The following FMN1 variants were observed in gnomAD, a reference collection of about 807,000 sequenced individuals.
FMN1 encodes formin 1, also known as formin-1.
FMN1 carries 110 observed loss-of-function variants against 132.4 expected under a neutral mutation model. The ratio of observed to expected loss-of-function variants is 0.83; its 90% CI spans 0.71 to 0.97. FMN1 has a LOEUF of 0.97. Among genes scored for constraint, FMN1 ranks in the 50% least tolerant of loss-of-function variants. The pLI, the probability that FMN1 is intolerant of heterozygous loss-of-function variation, is 0.00. For missense variants in FMN1, 1,792 were observed against 1,705.3 expected (o/e 1.05, Z -0.90); for synonymous variants, 722 against 651.7 (o/e 1.11, Z -1.64).
At chr15:32,917,697 T>C (rs892275796) in intron 10 of FMN1, among the ~76,000 whole-genome samples, 1 of 152,206 alleles carries the variant, frequency 6.6e-6, no homozygotes, top group Non-Finnish European at 1.5e-5. Flanking sequence ...GGTAATTTAC[T>C]GGACAAAGAT....
chr15:33,066,786 T>C, intron 5 of FMN1: 1 of 1,613,990 alleles, frequency 6.2e-7, no homozygotes, highest in Non-Finnish European at 8.5e-7. Context: ...TCTTCTCTCC[T>C]GGGCGACTCA....
intron 3 of FMN1, among the ~76,000 whole-genome samples, chr15:33,158,844 A>G (rs1315969565): frequency 2.6e-5 from 4 of 152,246 alleles, no homozygotes; most frequent in African/African-American, 9.6e-5. Flanking sequence ...AGCGATAGCC[A>G]AAACCAAAGC....
chr15:32,860,570 C>G (rs2059246244), intron 16 of FMN1: 1 of 152,202 alleles, frequency 6.6e-6, no homozygotes, highest in Admixed American at 6.5e-5. Flanking sequence ...AGAGGATCAC[C>G]TGAACCCAGG....
At chr15:32,872,767 G>A (rs2059545995) in intron 16 of FMN1, among the ~76,000 whole-genome samples, 1 of 152,154 alleles carries the variant, frequency 6.6e-6, no homozygotes, top group South Asian at 2.1e-4. Context: ...GCTCCACCAG[G>A]ACAGCTGCAA....
intron 9 of FMN1, among the ~76,000 whole-genome samples, chr15:32,939,752 A>G (rs1336296587): frequency 6.6e-6 from 1 of 152,182 alleles, no homozygotes; most frequent in African/African-American, 2.4e-5. Context: ...AAAGAAATCA[A>G]ATTCAACGAA....
chr15:33,047,434 C>G (rs1247670497), intron 6 of FMN1, among the ~76,000 whole-genome samples: 2 of 152,118 alleles, frequency 1.3e-5, no homozygotes, highest in African/African-American at 4.8e-5. Context: ...TTTAAAAAAA[C>G]TTTTATAAAC....
At chr15:33,124,122 G>A (rs186262362) in intron 4 of FMN1, among the ~76,000 whole-genome samples, 395 of 152,238 alleles carry the variant, frequency 2.6e-3, no homozygotes, top group Admixed American at 4.1e-3. Flanking sequence ...TTCAGTCCTG[G>A]GTTGAGGATC....
intron 5 of FMN1, among the ~76,000 whole-genome samples, chr15:33,073,417 G>T (rs11636433): frequency 6.6e-6 from 1 of 151,962 alleles, no homozygotes; most frequent in Admixed American, 6.5e-5. Context: ...TAAGAGTGAG[G>T]AAACTATTTC....
At chr15:32,814,562 AG>A (rs1318788585) in intron 17 of FMN1, among the ~76,000 whole-genome samples, 1 of 152,250 alleles carries the variant, frequency 6.6e-6, no homozygotes, top group African/African-American at 2.4e-5. Flanking sequence ...TTTTAAAAGA[AG>A]GCTTCTTGCA....
At chr15:33,067,387 T>G (rs771389917) in intron 5 of FMN1, 1 of 1,614,002 alleles carries the variant, frequency 6.2e-7, no homozygotes, top group Non-Finnish European at 8.5e-7. Context: ...TAGGGGACTT[T>G]GGGCCATTGG....
In FMN1 at chr15:32,774,252, A is replaced by G. The variant is rs1394304180; in HGVS notation, c.*58T>C. On this transcript the variant is annotated 3_prime_UTR_variant, in exon 21 of 21. Coordinates refer to ENST00000616417, the MANE Select transcript of FMN1 (RefSeq NM_001277313.2). ...AACGTCCTGCAACCCTGTGGTCACA[A>G]AGAGTATGCGTGCAAGGTCCTCCAC... 8.3e-6 allele frequency: 11 copies of G among 1,329,758 alleles called. No individual in the cohort carries two copies. Among genetic ancestry groups the G allele is most frequent in the Non-Finnish European group, 1.2e-5 (11 of 938,598 alleles). The allele number at this position is 1,329,758 out of a possible 1,614,324, so 82.4% of individuals were successfully genotyped here. A position where few individuals can be genotyped will look rare whatever the true frequency, so the allele number is the denominator to read the frequency against.
At chr15:33,029,293 A>C (rs779784992) in intron 6 of FMN1, among the ~76,000 whole-genome samples, 12 of 152,162 alleles carry the variant, frequency 7.9e-5, no homozygotes, top group Non-Finnish European at 1.6e-4. Flanking sequence ...TGTTCAGCAG[A>C]GCACAGGTCT....
intron 4 of FMN1, among the ~76,000 whole-genome samples, chr15:33,095,822 A>C (rs147293707): frequency 7.9e-5 from 12 of 152,220 alleles, no homozygotes; most frequent in Non-Finnish European, 1.5e-5. Flanking sequence ...TCTTGAAGAC[A>C]TATGATGTAA....
intron 9 of FMN1, among the ~76,000 whole-genome samples, chr15:32,959,682 G>A (rs1400865502): frequency 1.3e-5 from 2 of 152,144 alleles, no homozygotes; most frequent in Non-Finnish European, 2.9e-5. Flanking sequence ...CAAAATAAAT[G>A]TTATCAAGTA....
At chr15:33,000,642 A>G (rs1442042381) in intron 7 of FMN1, among the ~76,000 whole-genome samples, 1 of 152,032 alleles carries the variant, frequency 6.6e-6, no homozygotes, top group African/African-American at 2.4e-5. Flanking sequence ...ATAATAAATA[A>G]AGGATGCAAC....
intron 16 of FMN1, among the ~76,000 whole-genome samples, chr15:32,878,203 T>A (rs2059682969): frequency 6.6e-6 from 1 of 152,154 alleles, no homozygotes. Flanking sequence ...AACAAGTACA[T>A]CGTGTTGGAA....
intron 6 of FMN1, among the ~76,000 whole-genome samples, chr15:33,061,269 T>C (rs879583840): frequency 5.3e-5 from 8 of 152,000 alleles, no homozygotes; most frequent in Non-Finnish European, 1.2e-4. Flanking sequence ...GGGGAGAAAA[T>C]CACCTGCAAT....
intron 6 of FMN1, among the ~76,000 whole-genome samples, chr15:33,023,485 G>GCAA (rs1473439894): frequency 6.6e-6 from 1 of 152,076 alleles, no homozygotes; most frequent in Non-Finnish European, 1.5e-5. Flanking sequence ...AATGATAGTA[G>GCAA]CAACACACTA....
intron 5 of FMN1, among the ~76,000 whole-genome samples, chr15:33,073,359 C>T (rs1007648950): frequency 1.3e-5 from 2 of 152,050 alleles, no homozygotes; most frequent in African/African-American, 2.4e-5. Context: ...ATGCGAAAAC[C>T]GTTTGAAACA....
Sources: gnomAD v4.1 joint callset for allele counts (sites outside exome capture counted in the v4.1 genomes callset) on GRCh38, gnomAD v4.1.1 for gene constraint, MANE v1.5 for transcripts, NCBI Gene and HGNC (gene_info 2026-07-23, HGNC 2026-07-21) for gene names.